Variants in GGA2 observed in about 807,000 individuals in gnomAD.
GGA2 encodes the protein ADP-ribosylation factor-binding protein GGA2.
GGA2 carries 48 observed loss-of-function variants against 79.5 expected under a neutral mutation model. That is an observed-to-expected ratio of 0.60 (90% CI 0.48 to 0.77). The LOEUF (loss-of-function observed/expected upper bound fraction) is 0.77, where lower values mean the gene tolerates loss of function less well. Ranked by LOEUF, GGA2 falls within the 30% of genes least tolerant of loss-of-function variation. The pLI, the probability that GGA2 is intolerant of heterozygous loss-of-function variation, is 0.00. For synonymous variants in GGA2, 317 were observed against 302.0 expected, an observed-to-expected ratio of 1.05 and a Z score of -0.51; for missense variants, 770 against 774.0, an observed-to-expected ratio of 0.99 and a Z score of 0.06.
intron 6 of GGA2, among the ~76,000 whole-genome samples, chr16:23,487,892 T>G (rs369774199): frequency 3.9e-5 from 6 of 151,970 alleles, no homozygotes; most frequent in African/African-American, 9.7e-5. Flanking sequence ...GCGTGTAGCC[T>G]TCCAACACTC....
In GGA2 at chr16:23,467,713, A is replaced by C; in HGVS notation, c.1732-13T>G. ...AGCGGATAGGTTCCTGGGACAGAAG[A>C]GACAGAAGATGTCAAATCAGTGGAG... On this transcript the variant is annotated splice_polypyrimidine_tract_variant and intron_variant, in intron 16 of 16. Transcript: ENST00000309859. 7.3e-7 allele frequency: 1 copy of C among 1,365,252 alleles called. No individual in the cohort carries two copies. The highest frequency in any genetic ancestry group is 1.4e-5 in the African/African-American group (1 of 70,304). The allele number at this position is 1,365,252 out of a possible 1,614,324, so 84.6% of individuals were successfully genotyped here. A position where few individuals can be genotyped will look rare whatever the true frequency, so the allele number is the denominator to read the frequency against.
chr16:23,479,636 C>A (rs1423471746), intron 11 of GGA2, 129 bp downstream of exon 11: 26 of 1,079,796 alleles, frequency 2.4e-5, no homozygotes, highest in Non-Finnish European at 3.4e-5. Context: ...CAGAGGGAAC[C>A]AGCTCACTCT....
intron 2 of GGA2, 119 bp from the exon 3 acceptor site, chr16:23,494,497 G>T: frequency 1.3e-6 from 1 of 753,334 alleles, no homozygotes; most frequent in East Asian, 2.5e-5. Context: ...AGCAGAGGTG[G>T]AGCGTGCCTG....
At chr16:23,472,195 T>G (rs2142114195) in intron 14 of GGA2, among the ~76,000 whole-genome samples, 1 of 139,992 alleles carries the variant, frequency 7.1e-6, no homozygotes, top group Middle Eastern at 3.5e-3. Flanking sequence ...TTTTTTTTTT[T>G]TTTTTTTTTT....
chr16:23,476,239 AAAG>A (rs1423562434), intron 13 of GGA2, among the ~76,000 whole-genome samples: 1 of 152,192 alleles, frequency 6.6e-6, no homozygotes, highest in South Asian at 2.1e-4. Context: ...TGGCTGAAAA[AAAG>A]AAGACTGCAA....
At chr16:23,480,792 A>G in intron 9 of GGA2, 22 bp from the exon 10 acceptor site, 1 of 1,597,130 alleles carries the variant, frequency 6.3e-7, no homozygotes, top group Non-Finnish European at 8.6e-7. Context: ...GGGAAGACTC[A>G]GAACCCCCTG....
chr16:23,479,190 C>T (rs1329734540), intron 11 of GGA2: 2 of 539,062 alleles, frequency 3.7e-6, no homozygotes, highest in East Asian at 6.4e-5. Flanking sequence ...GCCTCAGCAG[C>T]AGGTATGTGC....
At chr16:23,494,443 C>G in intron 2 of GGA2, 65 bp from the exon 3 acceptor site, 1 of 1,018,166 alleles carries the variant, frequency 9.8e-7, no homozygotes, top group Non-Finnish European at 1.6e-6. Context: ...AGTGGCTGAG[C>G]ATGCTCAGTA....
rs913268473 is a variant in GGA2, at chr16:23,521,126, A to G, written c.8+667T>C. 4.0e-4 allele frequency among the ~76,000 whole-genome samples: 61 copies of G among 152,178 alleles called. 1 individual carries two copies. Among genetic ancestry groups the G allele is most frequent in the African/African-American group, 1.3e-3 (54 of 41,442 alleles). On this transcript the variant is annotated intron_variant, in intron 1 of 5. Transcript: ENST00000569300. ...TATTTTTTAAAAACTGTGGTAAAAT[A>G]CAGAAAAATATAAAATTTACCATCT...
chr16:23,500,070 G>A (rs932380895), intron 1 of GGA2, among the ~76,000 whole-genome samples: 5 of 152,198 alleles, frequency 3.3e-5, no homozygotes, highest in Admixed American at 2.0e-4. Context: ...TCTCTTCTCC[G>A]CAATCACAGC....
chr16:23,506,982 C>T lies in GGA2; in HGVS notation c.91+3339G>A, dbSNP rs943985902. 5.3e-5 allele frequency among the ~76,000 whole-genome samples: 8 copies of T among 152,278 alleles called. No individual in the cohort carries two copies. In the East Asian group the frequency reaches 1.3e-3, roughly 26 times the overall value. On this transcript the variant is annotated intron_variant, in intron 1 of 16. Transcript: ENST00000309859. ...CACTGGACCCAGAATGGGGGAGGGG[C>T]AGTTCCCCAATGGAACATCAACATG...
At chr16:23,515,175 A>G (rs183912453), upstream of GGA2, among the ~76,000 whole-genome samples, 168 of 151,534 alleles carry the variant, frequency 1.1e-3, 2 homozygotes, top group Admixed American at 9.5e-3. Flanking sequence ...AATATGTATC[A>G]GCTGGGTGTG....
intron 6 of GGA2, 90 bp downstream of exon 6, chr16:23,488,516 C>G (rs1420646042): frequency 8.6e-6 from 7 of 811,218 alleles, no homozygotes; most frequent in East Asian, 7.3e-5. Context: ...TAACCTGCCC[C>G]CCTCCATACT....
At position 23,494,285 on chromosome 16, in the gene GGA2, A is replaced by G. The variant is rs1567366814; in HGVS notation, c.252+18T>C. The G allele has an allele frequency of 1.9e-6, 3 of 1,548,008 alleles. No homozygotes were observed. Among genetic ancestry groups the G allele is most frequent in the Non-Finnish European group, 2.7e-6 (3 of 1,119,468 alleles). ...ACAAGGACAGGAAAGGTTAGGCTAC[A>G]AGGCAAGCCAAACTCACCGTTAAGG... On this transcript the variant is annotated intron_variant, in intron 3 of 16. Transcript: ENST00000309859.
At chr16:23,518,463 T>C (rs1450870720) in intron 2 of GGA2, among the ~76,000 whole-genome samples, 2 of 152,178 alleles carry the variant, frequency 1.3e-5, no homozygotes, top group Admixed American at 6.5e-5. Context: ...TCCTCCCCCA[T>C]TGGCCTCCCA....
intron 1 of GGA2, among the ~76,000 whole-genome samples, chr16:23,501,850 G>A (rs1362170107): frequency 1.3e-5 from 2 of 152,140 alleles, no homozygotes; most frequent in Admixed American, 6.6e-5. Flanking sequence ...TGAACAGTGG[G>A]TGCCAGGTGC....
At chr16:23,490,122 G>A (rs935065768) in intron 5 of GGA2, among the ~76,000 whole-genome samples, 1 of 152,208 alleles carries the variant, frequency 6.6e-6, no homozygotes, top group African/African-American at 2.4e-5. Context: ...TCTCTCTGAG[G>A]TGCAGAGGAA....
intron 13 of GGA2, 143 bp downstream of exon 13, chr16:23,478,218 AAAAAGAC>A (rs1964599992): frequency 1.6e-6 from 1 of 624,374 alleles, no homozygotes; most frequent in Non-Finnish European, 2.5e-6. Flanking sequence ...AAAAAAAGAA[AAAAAGAC>A]AAAAAAAAAA....
At chr16:23,486,279 G>A in intron 7 of GGA2, 127 bp from the exon 8 acceptor site, 1 of 787,658 alleles carries the variant, frequency 1.3e-6, no homozygotes, top group Non-Finnish European at 2.1e-6. Flanking sequence ...TTAAGTGCAT[G>A]GGAGAACTCA....
Sources: gnomAD v4.1 joint callset for allele counts (sites outside exome capture counted in the v4.1 genomes callset) on GRCh38, gnomAD v4.1.1 for gene constraint, MANE v1.5 for transcripts, NCBI Gene and HGNC (gene_info 2026-07-23, HGNC 2026-07-21) for gene names.